The following NDST4 variants were observed in gnomAD, a reference collection of about 807,000 sequenced individuals.
NDST4 encodes N-deacetylase and N-sulfotransferase 4, also known as N-heparan sulfate sulfotransferase 4.
Under a neutral mutation model 100.8 loss-of-function variants are expected in NDST4, and 63 were observed. That is an observed-to-expected ratio of 0.62 (90% confidence interval 0.51 to 0.77). The LOEUF (loss-of-function observed/expected upper bound fraction) is 0.77. NDST4 is among the 30% of genes least tolerant of loss of function. The pLI is 0.00. For missense variants in NDST4, 943 were observed against 1,018.4 expected, an observed-to-expected ratio of 0.93 and a Z score of 1.01; for synonymous variants, 377 against 361.8, an observed-to-expected ratio of 1.04 and a Z score of -0.48.
At chr4:115,052,720 G>A (rs1184782218) in intron 2 of NDST4, among the ~76,000 whole-genome samples, 1 of 151,992 alleles carries the variant, frequency 6.6e-6, no homozygotes, top group Non-Finnish European at 1.5e-5. Context: ...TAAATTACTC[G>A]GGTATGTCTT....
intron 2 of NDST4, among the ~76,000 whole-genome samples, chr4:115,059,709 A>T (rs1227879413): frequency 6.6e-6 from 1 of 152,058 alleles, no homozygotes; most frequent in East Asian, 1.9e-4. Context: ...AAGCGGGTAC[A>T]TTCACATGTT....
At chr4:115,090,234 A>C (rs1042568041) in intron 1 of NDST4, among the ~76,000 whole-genome samples, 2 of 151,868 alleles carry the variant, frequency 1.3e-5, no homozygotes, top group Admixed American at 1.3e-4. Flanking sequence ...CACAGCTATA[A>C]AGGACCTATA....
At position 114,829,686 on chromosome 4, in the gene NDST4, C is replaced by A. The variant is rs72906919; in HGVS notation, c.2499+104G>T. On this transcript the variant is annotated intron_variant, in intron 13 of 13. Transcript: ENST00000264363. ...TCTAAGTATATAAAATTATTAATTGCAAAGGAAGAGCAGAAAAAGGAAGCA... is the reference window on the plus strand; with the variant it reads ...TCTAAGTATATAAAATTATTAATTGAAAAGGAAGAGCAGAAAAAGGAAGCA... 4.8e-3 allele frequency: 3,348 copies of A among 695,320 alleles called. 97 individuals carry two copies. In the African/African-American group the frequency reaches 0.056, roughly 12 times the overall value. 43.1% of individuals were successfully genotyped at this position (695,320 alleles called of 1,614,324 possible).
At chr4:114,964,333 C>T (rs987560709) in intron 4 of NDST4, among the ~76,000 whole-genome samples, 1 of 152,310 alleles carries the variant, frequency 6.6e-6, no homozygotes, top group East Asian at 1.9e-4. Context: ...CCTTGATTGA[C>T]ATCTGTGAGA....
At chr4:114,902,565 T>A (rs1433069011) in intron 6 of NDST4, among the ~76,000 whole-genome samples, 1 of 152,072 alleles carries the variant, frequency 6.6e-6, no homozygotes, top group East Asian at 1.9e-4. Flanking sequence ...AGATTTATCC[T>A]CCTTGATATT....
intron 2 of NDST4, among the ~76,000 whole-genome samples, chr4:114,989,409 GA>G (rs1427706996): frequency 6.6e-6 from 1 of 152,170 alleles, no homozygotes; most frequent in Non-Finnish European, 1.5e-5. Flanking sequence ...ACCTATTCAA[GA>G]AATATTTAAG....
chr4:115,065,982 G>C (rs866518041), intron 2 of NDST4, among the ~76,000 whole-genome samples: 3 of 152,190 alleles, frequency 2.0e-5, no homozygotes, highest in African/African-American at 7.2e-5. Flanking sequence ...TCCAGTGATC[G>C]CAGAAGACTC....
chr4:114,970,703 C>CT, intron 3 of NDST4, 119 bp from the exon 4 acceptor site: 1 of 842,274 alleles, frequency 1.2e-6, no homozygotes, highest in South Asian at 2.2e-5. Flanking sequence ...ATTCTGTGGG[C>CT]TTTTTAAATC....
At chr4:114,883,428 G>T (rs1349243674) in intron 6 of NDST4, among the ~76,000 whole-genome samples, 1 of 151,892 alleles carries the variant, frequency 6.6e-6, no homozygotes, top group Non-Finnish European at 1.5e-5. Flanking sequence ...TCAACTCTGG[G>T]CAATCACTAA....
chr4:114,940,446 T>C (rs1289519903), intron 4 of NDST4, among the ~76,000 whole-genome samples: 1 of 152,232 alleles, frequency 6.6e-6, no homozygotes, highest in African/African-American at 2.4e-5. Flanking sequence ...ATATCTTCTT[T>C]TAATTGCTTA....
At chr4:114,867,018 TGAG>T (rs1379157210) in intron 7 of NDST4, among the ~76,000 whole-genome samples, 1 of 152,118 alleles carries the variant, frequency 6.6e-6, no homozygotes, top group Non-Finnish European at 1.5e-5. Flanking sequence ...AAATCACCCT[TGAG>T]GAGGAGTAAG....
At position 115,076,184 on chromosome 4, in the gene NDST4, T is replaced by C. The variant is rs1453538919; in HGVS notation, c.853A>G (p.Ile285Val). 6.2e-7 allele frequency: 1 copy of C among 1,613,982 alleles called. No homozygotes were observed. The highest frequency in any genetic ancestry group is 1.7e-5 in the Admixed American group (1 of 60,004). ...CCTGACAAGAAGGAGATGGCATCTA[T>C]GAAGATGAGCTTGTGCAGCCAAAAG... Reference protein sequence around the residue: ...LNFWLHKLIFIDAISFLSGKR... With the variant: ...LNFWLHKLIFVDAISFLSGKR... Residue 285 changes from isoleucine to valine, a missense_variant, in exon 2 of 14, where the codon ATA (isoleucine) becomes GTA (valine). Transcript: ENST00000264363.
At chr4:114,954,462 G>T (rs1020065763) in intron 4 of NDST4, among the ~76,000 whole-genome samples, 2 of 152,150 alleles carry the variant, frequency 1.3e-5, no homozygotes, top group Admixed American at 1.3e-4. Context: ...GTATATTAGA[G>T]AAATGAGATA....
chr4:114,876,450 TC>T (rs1250088084), intron 6 of NDST4, among the ~76,000 whole-genome samples: 31 of 152,166 alleles, frequency 2.0e-4, no homozygotes, highest in African/African-American at 7.5e-4. Flanking sequence ...TTTATTTTAT[TC>T]TAAAAATAGT....
At chr4:114,994,665 A>G (rs1037992799) in intron 2 of NDST4, among the ~76,000 whole-genome samples, 5 of 152,032 alleles carry the variant, frequency 3.3e-5, no homozygotes, top group African/African-American at 9.7e-5. Flanking sequence ...TTAGTTACCG[A>G]ACCATTGTAT....
intron 6 of NDST4, among the ~76,000 whole-genome samples, chr4:114,924,923 T>C (rs1293955429): frequency 1.3e-5 from 2 of 152,122 alleles, no homozygotes; most frequent in East Asian, 3.9e-4. Context: ...TTCCAAATTA[T>C]ACAGAATGCA....
At chr4:114,945,122 T>C (rs750012057) in intron 4 of NDST4, among the ~76,000 whole-genome samples, 1 of 142,662 alleles carries the variant, frequency 7.0e-6, no homozygotes, top group Non-Finnish European at 1.5e-5. Context: ...AGCAGGAGAA[T>C]CACTTGAACC....
At chr4:114,885,393 G>A (rs1397941453) in intron 6 of NDST4, among the ~76,000 whole-genome samples, 2 of 152,060 alleles carry the variant, frequency 1.3e-5, no homozygotes, top group Non-Finnish European at 2.9e-5. Flanking sequence ...ATTTGGACAT[G>A]GTAACTCAAC....
chr4:115,029,128 T>C (rs571508369), intron 2 of NDST4, among the ~76,000 whole-genome samples: 1 of 152,082 alleles, frequency 6.6e-6, no homozygotes, highest in East Asian at 1.9e-4. Context: ...TTATCACACT[T>C]TCAAATCAAG....
Sources: gnomAD v4.1 joint callset for allele counts (sites outside exome capture counted in the v4.1 genomes callset) on GRCh38, gnomAD v4.1.1 for gene constraint, MANE v1.5 for transcripts, NCBI Gene and HGNC (gene_info 2026-07-23, HGNC 2026-07-21) for gene names.